The following SORCS2 variants were observed in gnomAD, a reference collection of about 807,000 sequenced individuals.
The protein encoded by SORCS2 is sortilin related VPS10 domain containing receptor 2.
SORCS2 carries 100 observed loss-of-function variants against 141.6 expected under a neutral mutation model. The ratio of observed to expected loss-of-function variants is 0.71; its 90% confidence interval spans 0.60 to 0.83. SORCS2 has a LOEUF of 0.83. SORCS2 is among the 40% of genes least tolerant of loss of function. SORCS2 has a pLI of 0.00. For synonymous variants in SORCS2, 789 were observed against 676.9 expected, an observed-to-expected ratio of 1.17 and a Z score of -2.57; for missense variants, 1,646 against 1,560.2, an observed-to-expected ratio of 1.05 and a Z score of -0.93.
At chr4:7,510,860 T>G (rs62280190) in intron 2 of SORCS2, among the ~76,000 whole-genome samples, 14,698 of 152,264 alleles carry the variant, frequency 0.097, 1,021 homozygotes, top group African/African-American at 0.2. Context: ...CCTCCTTTAT[T>G]CACAGCACAT....
intron 3 of SORCS2, among the ~76,000 whole-genome samples, chr4:7,580,573 A>G (rs1716076159): frequency 6.6e-6 from 1 of 152,208 alleles, no homozygotes; most frequent in Admixed American, 6.5e-5. Context: ...CCTCTCACAG[A>G]AAGTTTCAGG....
At chr4:7,414,774 A>G (rs960058829) in intron 2 of SORCS2, among the ~76,000 whole-genome samples, 2 of 152,232 alleles carry the variant, frequency 1.3e-5, no homozygotes, top group Non-Finnish European at 2.9e-5. Context: ...TATAGGGTCT[A>G]TGCTGGACAC....
At chr4:7,720,278 C>T (rs956087102) in intron 18 of SORCS2, among the ~76,000 whole-genome samples, 6 of 152,086 alleles carry the variant, frequency 3.9e-5, no homozygotes, top group South Asian at 2.1e-4. Flanking sequence ...TGTTTGACGT[C>T]GGTGCCAAAA....
At chr4:7,477,275 G>A (rs1019310102) in intron 2 of SORCS2, among the ~76,000 whole-genome samples, 32 of 22,216 alleles carry the variant, frequency 1.4e-3, no homozygotes, top group African/African-American at 2.7e-3. Context: ...ACAGCTTCTA[G>A]GACAGACTCA....
chr4:7,716,091 T>TACATAAA (rs1560107577), intron 17 of SORCS2, among the ~76,000 whole-genome samples: 3 of 152,126 alleles, frequency 2.0e-5, no homozygotes, highest in African/African-American at 7.3e-5. Flanking sequence ...TGTAAAATGT[T>TACATAAA]AGGTACATAA....
At chr4:7,472,749 C>T (rs1577621146) in intron 2 of SORCS2, among the ~76,000 whole-genome samples, 1 of 152,222 alleles carries the variant, frequency 6.6e-6, no homozygotes. Context: ...GAGACTGGTC[C>T]CCGCTGGAGG....
At chr4:7,727,956 G>C (rs1449102291) in intron 21 of SORCS2, among the ~76,000 whole-genome samples, 6 of 152,208 alleles carry the variant, frequency 3.9e-5, no homozygotes, top group Non-Finnish European at 8.8e-5. Flanking sequence ...ATGAGAGGCT[G>C]ACCTCATAGG....
intron 2 of SORCS2, among the ~76,000 whole-genome samples, chr4:7,511,693 G>A (rs967415773): frequency 1.3e-5 from 2 of 152,178 alleles, no homozygotes; most frequent in Non-Finnish European, 2.9e-5. Flanking sequence ...ACAGGGCTGG[G>A]TGAAGGCTGC....
At chr4:7,631,639 AC>A (rs1002672502) in intron 3 of SORCS2, among the ~76,000 whole-genome samples, 3 of 150,498 alleles carry the variant, frequency 2.0e-5, no homozygotes, top group South Asian at 2.1e-4. Flanking sequence ...GTCTGCTGTG[AC>A]CCCCCCGGGG....
intron 2 of SORCS2, among the ~76,000 whole-genome samples, chr4:7,410,801 CAAT>C (rs1725250417): frequency 6.6e-6 from 1 of 150,970 alleles, no homozygotes; most frequent in Non-Finnish European, 1.5e-5. Context: ...CACTGTGAAT[CAAT>C]GATTTGATGA....
chr4:7,421,424 C>G (rs1202545128), intron 2 of SORCS2, among the ~76,000 whole-genome samples: 1 of 152,182 alleles, frequency 6.6e-6, no homozygotes, highest in Non-Finnish European at 1.5e-5. Context: ...CCCTCTGAGC[C>G]TGGTTTACTG....
At chr4:7,318,710 AT>A (rs1216926956) in intron 1 of SORCS2, among the ~76,000 whole-genome samples, 3 of 152,190 alleles carry the variant, frequency 2.0e-5, no homozygotes, top group Non-Finnish European at 4.4e-5. Context: ...CAGCCTGACC[AT>A]TCTTTTTTCC....
At chr4:7,285,460 C>T (rs1171664754) in intron 1 of SORCS2, among the ~76,000 whole-genome samples, 5 of 152,266 alleles carry the variant, frequency 3.3e-5, no homozygotes, top group African/African-American at 1.2e-4. Context: ...CACTCCCCCA[C>T]ACTGTTCACT....
intron 11 of SORCS2, among the ~76,000 whole-genome samples, chr4:7,694,565 A>G (rs1724473699): frequency 6.6e-6 from 1 of 152,214 alleles, no homozygotes; most frequent in Non-Finnish European, 1.5e-5. Flanking sequence ...CTGACGCGGC[A>G]ACACTCCCTG....
chr4:7,309,459 G>A (rs1203310410), intron 1 of SORCS2, among the ~76,000 whole-genome samples: 1 of 152,154 alleles, frequency 6.6e-6, no homozygotes, highest in African/African-American at 2.4e-5. Flanking sequence ...CCGATCAAAA[G>A]CTAGTTTGGA....
intron 1 of SORCS2, among the ~76,000 whole-genome samples, chr4:7,207,913 ATCTTG>A (rs974802250): frequency 2.6e-5 from 4 of 152,152 alleles, no homozygotes; most frequent in Non-Finnish European, 4.4e-5. Flanking sequence ...ATTTCTTTCC[ATCTTG>A]CCTGTGGCCG....
At chr4:7,625,750 AGAAG>A (rs1482784796) in intron 3 of SORCS2, among the ~76,000 whole-genome samples, 2 of 151,804 alleles carry the variant, frequency 1.3e-5, no homozygotes, top group African/African-American at 4.8e-5. Context: ...AGGGAGGAAG[AGAAG>A]GAGGGAGGGA....
chr4:7,333,664 C>T (rs1292890193), intron 1 of SORCS2, among the ~76,000 whole-genome samples: 1 of 152,172 alleles, frequency 6.6e-6, no homozygotes, highest in Non-Finnish European at 1.5e-5. Flanking sequence ...TCCCCCAGAC[C>T]CTGACTTAGC....
intron 1 of SORCS2, among the ~76,000 whole-genome samples, chr4:7,292,747 C>T (rs922150403): frequency 7.9e-5 from 12 of 152,072 alleles, no homozygotes; most frequent in African/African-American, 2.9e-4. Flanking sequence ...GTCGGGAATC[C>T]CCTGCTGTTT....
Sources: allele counts gnomAD v4.1 joint callset (sites outside exome capture counted in the v4.1 genomes callset), GRCh38; gene constraint gnomAD v4.1.1; transcripts MANE v1.5; gene names NCBI Gene and HGNC (gene_info 2026-07-23, HGNC 2026-07-21).